The following RHOA variants were observed in gnomAD, a reference collection of about 807,000 sequenced individuals.
The protein encoded by RHOA is ras homolog family member A.
RHOA carries 3 observed loss-of-function variants against 17.5 expected under a neutral mutation model. The observed-to-expected ratio is 0.17, with a 90% CI of 0.08 to 0.44. The LOEUF (loss-of-function observed/expected upper bound fraction) is 0.44, where lower values mean the gene tolerates loss of function less well. RHOA is among the 20% of genes least tolerant of loss of function. The probability of loss-of-function intolerance (pLI) is 0.99; values close to 1 mark genes in which losing one functional copy is unlikely to be tolerated. For missense variants in RHOA, 56 were observed against 242.3 expected, an observed-to-expected ratio of 0.23 and a Z score of 5.10; for synonymous variants, 98 against 88.4, an observed-to-expected ratio of 1.11 and a Z score of -0.61.
chr3:49,371,356 T>C (rs1366461459), intron 2 of RHOA, among the ~76,000 whole-genome samples: 1 of 151,812 alleles, frequency 6.6e-6, no homozygotes. Context: ...CTCAGTTCAC[T>C]GCAACCTCTG....
chr3:49,403,802 ATG>A (rs2048766836), intron 1 of RHOA, among the ~76,000 whole-genome samples: 1 of 152,118 alleles, frequency 6.6e-6, no homozygotes, highest in Non-Finnish European at 1.5e-5. Flanking sequence ...TTAAACCTCC[ATG>A]AAGGTAATTA....
At chr3:49,407,931 G>GC (rs1477421203) in intron 1 of RHOA, among the ~76,000 whole-genome samples, 1 of 152,072 alleles carries the variant, frequency 6.6e-6, no homozygotes, top group African/African-American at 2.4e-5. Context: ...AGAGGCCAAG[G>GC]GGGGCAGATC....
chr3:49,361,751 C>T (rs2047975567), intron 4 of RHOA, among the ~76,000 whole-genome samples: 1 of 152,112 alleles, frequency 6.6e-6, no homozygotes, highest in African/African-American at 2.4e-5. Flanking sequence ...CGTGGTGGCA[C>T]ATGCCTGTAA....
chr3:49,391,080 T>A (rs1473548770), intron 1 of RHOA, among the ~76,000 whole-genome samples: 1 of 151,840 alleles, frequency 6.6e-6, no homozygotes, highest in Non-Finnish European at 1.5e-5. Flanking sequence ...TAGCCAGGCG[T>A]GGTGGCATGC....
intron 3 of RHOA, chr3:49,366,672 T>C (rs1457661142): frequency 6.6e-6 from 1 of 152,210 alleles, no homozygotes; most frequent in Admixed American, 6.5e-5. Flanking sequence ...TACGTGCTCT[T>C]TCTCTGTCCT....
chr3:49,380,099 G>A (rs1430596888), intron 1 of RHOA, among the ~76,000 whole-genome samples: 1 of 152,166 alleles, frequency 6.6e-6, no homozygotes, highest in Non-Finnish European at 1.5e-5. Flanking sequence ...TCAGCAGTAT[G>A]TTGTGGGACT....
chr3:49,390,692 T>C (rs553999437), intron 1 of RHOA, among the ~76,000 whole-genome samples: 1 of 152,330 alleles, frequency 6.6e-6, no homozygotes, highest in East Asian at 1.9e-4. Flanking sequence ...CTCTGTCTAA[T>C]ATTCCAAGGA....
At chr3:49,401,070 T>C (rs1019918130) in intron 1 of RHOA, among the ~76,000 whole-genome samples, 11 of 109,264 alleles carry the variant, frequency 1.0e-4, no homozygotes, top group African/African-American at 2.8e-4. Context: ...AAGAGTTAAT[T>C]TCCTACCTTT....
At chr3:49,409,377 A>G (rs1340971912) in intron 1 of RHOA, among the ~76,000 whole-genome samples, 1 of 152,146 alleles carries the variant, frequency 6.6e-6, no homozygotes, top group Non-Finnish European at 1.5e-5. Context: ...CCTGGGCAAC[A>G]GAGTGAGACT....
chr3:49,369,542 G>A (rs1419691562), intron 2 of RHOA, among the ~76,000 whole-genome samples: 2 of 150,728 alleles, frequency 1.3e-5, no homozygotes, highest in East Asian at 4.0e-4. Context: ...AGACCAGCCT[G>A]GGCAACATGG....
chr3:49,401,462 G>C (rs1162483770), intron 1 of RHOA, among the ~76,000 whole-genome samples: 1 of 151,882 alleles, frequency 6.6e-6, no homozygotes, highest in African/African-American at 2.4e-5. Flanking sequence ...ACACCAGCCT[G>C]GGCAACATGG....
At chr3:49,381,386 CAA>C (rs1275152753) in intron 1 of RHOA, among the ~76,000 whole-genome samples, 3 of 142,070 alleles carry the variant, frequency 2.1e-5, no homozygotes, top group South Asian at 4.5e-4. Flanking sequence ...GCCTGGGAAA[CAA>C]GAGAAAAACC....
chr3:49,406,934 A>C (rs2048840746), intron 1 of RHOA: 1 of 152,156 alleles, frequency 6.6e-6, no homozygotes, highest in South Asian at 2.1e-4. Flanking sequence ...CACGAGGTCA[A>C]GAGATCAAGG....
At chr3:49,408,199 CAT>C (rs2048868798) in intron 1 of RHOA, among the ~76,000 whole-genome samples, 1 of 148,488 alleles carries the variant, frequency 6.7e-6, no homozygotes, top group African/African-American at 2.6e-5. Flanking sequence ...TACACACACA[CAT>C]ACACACACGT....
chr3:49,401,212 C>T (rs1227196703), intron 1 of RHOA, among the ~76,000 whole-genome samples: 1 of 151,934 alleles, frequency 6.6e-6, no homozygotes, highest in Non-Finnish European at 1.5e-5. Flanking sequence ...ACAAGACCTA[C>T]AAGTAACAAC....
intron 2 of RHOA, 59 bp downstream of exon 2, chr3:49,375,358 AGCTCTAATTCTCTACAT>A: frequency 1.4e-6 from 2 of 1,416,756 alleles, no homozygotes; most frequent in Non-Finnish European, 1.9e-6. Context: ...AGAGGCAAAA[AGCTCTAATTCTCTACAT>A]GCTCCATAAA....
At chr3:49,364,600 G>A (rs932592364) in intron 3 of RHOA, among the ~76,000 whole-genome samples, 3 of 151,736 alleles carry the variant, frequency 2.0e-5, no homozygotes, top group Non-Finnish European at 4.4e-5. Context: ...GGTGGAGGTT[G>A]CAGTGAGCCA....
intron 1 of RHOA, among the ~76,000 whole-genome samples, chr3:49,385,505 C>T (rs991412528): frequency 6.6e-6 from 1 of 151,972 alleles, no homozygotes; most frequent in Non-Finnish European, 1.5e-5. Flanking sequence ...AATGAGCCAC[C>T]GCACCCAGCC....
intron 1 of RHOA, among the ~76,000 whole-genome samples, chr3:49,385,417 T>C (rs148475543): frequency 0.011 from 1,739 of 152,076 alleles, 30 homozygotes; most frequent in African/African-American, 0.041. Flanking sequence ...GGTTTTACCA[T>C]GTTGACCAGG....
Sources: gnomAD v4.1 joint callset for allele counts (sites outside exome capture counted in the v4.1 genomes callset) on GRCh38, gnomAD v4.1.1 for gene constraint, MANE v1.5 for transcripts, NCBI Gene and HGNC (gene_info 2026-07-23, HGNC 2026-07-21) for gene names.